Variants in INSYN2B observed in about 807,000 individuals in gnomAD.
INSYN2B encodes the protein inhibitory synaptic factor family member 2B.
Under a neutral mutation model 41.2 loss-of-function variants are expected in INSYN2B, and 16 were observed. The observed-to-expected ratio is 0.39, with a 90% CI of 0.26 to 0.59. The LOEUF (loss-of-function observed/expected upper bound fraction) is 0.59. Among genes scored for constraint, INSYN2B ranks in the 20% least tolerant of loss-of-function variants. The pLI, the probability that INSYN2B is intolerant of heterozygous loss-of-function variation, is 0.57. For synonymous variants in INSYN2B, 245 were observed against 244.4 expected (o/e 1.00, Z -0.02); for missense variants, 608 against 646.4 (o/e 0.94, Z 0.64).
intron 1 of INSYN2B, among the ~76,000 whole-genome samples, chr5:169,890,575 A>G (rs1773224300): frequency 6.6e-6 from 1 of 152,190 alleles, no homozygotes; most frequent in Admixed American, 6.5e-5. Flanking sequence ...GGAAAAGGGT[A>G]TATTTTGGGG....
At chr5:169,894,715 C>G (rs1290255277) in intron 1 of INSYN2B, among the ~76,000 whole-genome samples, 3 of 152,212 alleles carry the variant, frequency 2.0e-5, no homozygotes, top group Non-Finnish European at 4.4e-5. Flanking sequence ...ATGTGCAACA[C>G]ACAGTAGGTG....
intron 1 of INSYN2B, among the ~76,000 whole-genome samples, chr5:169,961,101 C>T: frequency 6.6e-6 from 1 of 152,174 alleles, no homozygotes; most frequent in Non-Finnish European, 1.5e-5. Flanking sequence ...CTGTTTAGGT[C>T]AACCTGTTGC....
At chr5:169,948,420 C>G (rs1776529315) in intron 1 of INSYN2B, among the ~76,000 whole-genome samples, 1 of 151,950 alleles carries the variant, frequency 6.6e-6, no homozygotes, top group Non-Finnish European at 1.5e-5. Context: ...ACCCATTCAT[C>G]CATCCCTCCC....
chr5:169,903,022 A>T (rs1049541038), intron 1 of INSYN2B, among the ~76,000 whole-genome samples: 3 of 151,922 alleles, frequency 2.0e-5, no homozygotes, highest in Middle Eastern at 3.2e-3. Context: ...CGCTTGAACA[A>T]AGGAGGTGGA....
At chr5:169,913,000 G>A (rs1774692687) in intron 1 of INSYN2B, among the ~76,000 whole-genome samples, 1 of 152,094 alleles carries the variant, frequency 6.6e-6, no homozygotes, top group African/African-American at 2.4e-5. Context: ...TGATTTCTTG[G>A]TAGTAAATTG....
chr5:169,909,940 C>T lies in INSYN2B; in HGVS notation c.-918-25124G>A, dbSNP rs181753859. On this transcript the variant is annotated intron_variant, in intron 1 of 3. Transcript: ENST00000377365. ...CTCAGTCCCACAATTGACCCTTGTG[C>T]AGCTTGAGCCACAAAATGCCACTCA... Among the ~76,000 whole-genome samples, 303 of 152,240 alleles carry T rather than the reference C, an allele frequency of 2.0e-3. 1 individual carries two copies. Among genetic ancestry groups the T allele is most frequent in the African/African-American group, 6.9e-3 (286 of 41,534 alleles).
intron 3 of INSYN2B, chr5:169,875,403 C>T (rs1466225269): frequency 4.6e-6 from 2 of 430,456 alleles, no homozygotes; most frequent in Non-Finnish European, 9.4e-6. Context: ...TAAACCCTCA[C>T]GATGCCCTTG....
At chr5:169,935,454 C>T (rs1489344205) in intron 1 of INSYN2B, among the ~76,000 whole-genome samples, 1 of 152,166 alleles carries the variant, frequency 6.6e-6, no homozygotes, top group East Asian at 1.9e-4. Context: ...GAACTGTCAA[C>T]TTAATGGTGG....
chr5:169,892,787 C>A (rs971763021), intron 1 of INSYN2B, among the ~76,000 whole-genome samples: 7 of 152,190 alleles, frequency 4.6e-5, no homozygotes, highest in African/African-American at 1.7e-4. Flanking sequence ...GTGAACATAA[C>A]AAACATGACC....
intron 1 of INSYN2B, among the ~76,000 whole-genome samples, chr5:169,935,470 G>A (rs60483278): frequency 0.05 from 7,566 of 152,162 alleles, 485 homozygotes; most frequent in African/African-American, 0.15. Context: ...GGTGGAGTTC[G>A]GGTTGAGAGC....
rs887350156 is a variant in INSYN2B at position 169,864,049 on chromosome 5, A to G, written c.*224T>C. 6.6e-6 allele frequency among the ~76,000 whole-genome samples: 1 copy of G among 152,138 alleles called. No homozygotes were observed. Among genetic ancestry groups the G allele is most frequent in the African/African-American group, 2.4e-5 (1 of 41,438 alleles). ...AGGGAACTTGGCAAGCGGTCACTCT[A>G]GTGTCCGTGAAGCCCTCAGCAAGCA... On this transcript the variant is annotated 3_prime_UTR_variant, in exon 4 of 4. Transcript: ENST00000377365.
intron 1 of INSYN2B, among the ~76,000 whole-genome samples, chr5:169,942,060 A>G (rs1378984474): frequency 6.6e-6 from 1 of 152,242 alleles, no homozygotes; most frequent in Non-Finnish European, 1.5e-5. Context: ...ACAGTTCGAC[A>G]TGAGAAGGAT....
chr5:169,893,811 G>C (rs145617532), intron 1 of INSYN2B, among the ~76,000 whole-genome samples: 8 of 152,326 alleles, frequency 5.3e-5, no homozygotes, highest in Non-Finnish European at 5.9e-5. Flanking sequence ...ATGTTGACGT[G>C]TCAACATTTT....
At chr5:169,957,183 A>G (rs1776904932) in intron 1 of INSYN2B, among the ~76,000 whole-genome samples, 1 of 152,246 alleles carries the variant, frequency 6.6e-6, no homozygotes, top group South Asian at 2.1e-4. Context: ...TGGGTACTCA[A>G]TAAATAATGG....
At chr5:169,970,195 C>T (rs991461752) in intron 1 of INSYN2B, among the ~76,000 whole-genome samples, 15 of 152,238 alleles carry the variant, frequency 9.9e-5, no homozygotes, top group African/African-American at 2.9e-4. Context: ...ATTTGGATGC[C>T]GTGCACAGAA....
intron 1 of INSYN2B, among the ~76,000 whole-genome samples, chr5:169,893,038 C>T (rs1254132294): frequency 6.6e-6 from 1 of 152,146 alleles, no homozygotes; most frequent in Non-Finnish European, 1.5e-5. Context: ...TTCTTTTGTT[C>T]CTCTCTAGCC....
intron 1 of INSYN2B, among the ~76,000 whole-genome samples, chr5:169,897,586 C>T (rs969812305): frequency 2.6e-5 from 4 of 152,272 alleles, no homozygotes; most frequent in Admixed American, 2.6e-4. Flanking sequence ...GTAGGGTTGC[C>T]CTGTAATATT....
chr5:169,901,230 G>T (rs1185692522), intron 1 of INSYN2B, among the ~76,000 whole-genome samples: 2 of 152,162 alleles, frequency 1.3e-5, no homozygotes, highest in Admixed American at 6.5e-5. Context: ...GTGCACACTG[G>T]CTCTGATGCA....
intron 1 of INSYN2B, among the ~76,000 whole-genome samples, chr5:169,952,270 G>A (rs539930066): frequency 3.3e-5 from 5 of 152,264 alleles, no homozygotes; most frequent in African/African-American, 9.6e-5. Flanking sequence ...CAACTCGTCC[G>A]TATAACAATT....
Sources: allele counts gnomAD v4.1 joint callset (sites outside exome capture counted in the v4.1 genomes callset), GRCh38; gene constraint gnomAD v4.1.1; transcripts MANE v1.5; gene names NCBI Gene and HGNC (gene_info 2026-07-23, HGNC 2026-07-21).